NTRK2: variants seen among roughly 807,000 people sequenced by gnomAD.
NTRK2 encodes neurotrophic receptor tyrosine kinase 2, also known as BDNF/NT-3 growth factors receptor.
Under a neutral mutation model 94.5 loss-of-function variants are expected in NTRK2, and 13 were observed. That is an observed-to-expected ratio of 0.14 (90% CI 0.09 to 0.22). The LOEUF (loss-of-function observed/expected upper bound fraction) is 0.22. Among genes scored for constraint, NTRK2 ranks in the 10% least tolerant of loss-of-function variants. The pLI, the probability that NTRK2 is intolerant of heterozygous loss-of-function variation, is 1.00. For synonymous variants in NTRK2, 372 were observed against 407.4 expected (o/e 0.91, Z 1.05); for missense variants, 639 against 1,071.2 (o/e 0.60, Z 5.63).
intron 14 of NTRK2, chr9:84,874,401 T>C: frequency 9.4e-7 from 1 of 1,065,522 alleles, no homozygotes; most frequent in Non-Finnish European, 1.1e-6. Flanking sequence ...TTCTCTGTCT[T>C]TACTAATTCT....
chr9:84,781,875 T>C (rs2067604495), intron 12 of NTRK2, among the ~76,000 whole-genome samples: 1 of 152,180 alleles, frequency 6.6e-6, no homozygotes, highest in African/African-American at 2.4e-5. Context: ...CGTCTTTCTT[T>C]TCAGCTTGGG....
chr9:84,907,140 A>C (rs982306349), intron 14 of NTRK2, among the ~76,000 whole-genome samples: 2 of 152,212 alleles, frequency 1.3e-5, no homozygotes, highest in African/African-American at 2.4e-5. Flanking sequence ...ATGTATTTAG[A>C]ATCACTGACC....
At chr9:84,726,090 T>C (rs2132056602) in intron 8 of NTRK2, among the ~76,000 whole-genome samples, 1 of 152,344 alleles carries the variant, frequency 6.6e-6, no homozygotes, top group South Asian at 2.1e-4. Flanking sequence ...ACTTGAGTTT[T>C]TTTCTCAGTT....
At position 84,677,554 on chromosome 9, in the gene NTRK2, G is replaced by T. The variant is rs78458736; in HGVS notation, c.212+6594G>T. ...GGTTTACAGCCTCACTCTGAAGAAGGTGGGGAGGTTTTGGCAGCCTCTGAG... is the reference window on the plus strand; with the variant it reads ...GGTTTACAGCCTCACTCTGAAGAAGTTGGGGAGGTTTTGGCAGCCTCTGAG... On this transcript the variant is annotated intron_variant, in intron 2 of 18. Transcript: ENST00000277120. Among the ~76,000 whole-genome samples, 912 of 152,264 alleles carry T rather than the reference G, an allele frequency of 6.0e-3. 21 individuals carry two copies. The East Asian group carries it at 0.073, about 12-fold the overall frequency.
chr9:84,791,559 A>G (rs918717895), intron 12 of NTRK2, among the ~76,000 whole-genome samples: 1 of 152,186 alleles, frequency 6.6e-6, no homozygotes, highest in Non-Finnish European at 1.5e-5. Flanking sequence ...CACCCTGAAA[A>G]GTTCCAGAGA....
intron 12 of NTRK2, among the ~76,000 whole-genome samples, chr9:84,823,939 G>T (rs2073019456): frequency 6.6e-6 from 1 of 152,144 alleles, no homozygotes; most frequent in African/African-American, 2.4e-5. Context: ...CTGAGATGAG[G>T]ATTCATGTGC....
chr9:84,740,647 C>T (rs1303796096), intron 9 of NTRK2, among the ~76,000 whole-genome samples: 3 of 152,186 alleles, frequency 2.0e-5, no homozygotes, highest in South Asian at 2.1e-4. Flanking sequence ...ACATTAAAGG[C>T]GCCCCCTAGA....
rs148373641 is a variant in NTRK2 at position 84,872,176 on chromosome 9, C to T, written c.1633+4745C>T. On this transcript the variant is annotated intron_variant, in intron 14 of 18. Transcript: ENST00000277120. ...CTGAACACCACATCACCTGACAGCACGGGGTGGTTTCCCAGTAAAATTTAC... is the reference window on the plus strand; with the variant it reads ...CTGAACACCACATCACCTGACAGCATGGGGTGGTTTCCCAGTAAAATTTAC... 1.8e-5 allele frequency: 21 copies of T among 1,164,880 alleles called. No homozygotes were observed. The African/African-American group carries it at 2.0e-4, about 11-fold the overall frequency. 72.2% of individuals were successfully genotyped at this position (1,164,880 alleles called of 1,614,324 possible). A position where few individuals can be genotyped will look rare whatever the true frequency, so the allele number is the denominator to read the frequency against.
chr9:84,813,319 G>T, intron 12 of NTRK2: 1 of 1,014,930 alleles, frequency 9.9e-7, no homozygotes. Context: ...TTCTTTAGGA[G>T]AAACATGAAA....
intron 12 of NTRK2, among the ~76,000 whole-genome samples, chr9:84,789,341 T>C (rs1359605489): frequency 2.0e-5 from 3 of 152,134 alleles, no homozygotes. Flanking sequence ...TGTACTGAAT[T>C]AATTGTATCT....
intron 13 of NTRK2, 22 bp from the exon 14 acceptor site, chr9:84,867,221 A>T (rs2132055693): frequency 1.2e-6 from 2 of 1,610,426 alleles, no homozygotes; most frequent in South Asian, 2.2e-5. Context: ...ACAGGAGAAT[A>T]TATATATTTT....
intron 12 of NTRK2, among the ~76,000 whole-genome samples, chr9:84,798,912 C>CTATATATATA (rs57167822): frequency 0.034 from 4,342 of 127,324 alleles, 154 homozygotes; most frequent in Non-Finnish European, 0.042. Context: ...CTTCTAAGTG[C>CTATATATATA]TATATATATA....
chr9:84,912,234 A>C (rs1005597677), intron 14 of NTRK2, among the ~76,000 whole-genome samples: 1 of 152,154 alleles, frequency 6.6e-6, no homozygotes, highest in Admixed American at 6.5e-5. Context: ...TGTTGAGTAG[A>C]GTATCCTAGA....
chr9:84,926,135 T>A (rs1339976062), intron 14 of NTRK2, among the ~76,000 whole-genome samples: 5 of 62,208 alleles, frequency 8.0e-5, no homozygotes, highest in African/African-American at 1.9e-4. Flanking sequence ...CCTTCCTTCC[T>A]TCCTTCCTTC....
chr9:84,736,097 C>G (rs547854001), intron 9 of NTRK2, among the ~76,000 whole-genome samples: 1 of 152,180 alleles, frequency 6.6e-6, no homozygotes, highest in Non-Finnish European at 1.5e-5. Flanking sequence ...TGATTTAACC[C>G]TTTGGCTTGG....
intron 14 of NTRK2, chr9:84,875,978 G>C: frequency 9.6e-7 from 1 of 1,038,124 alleles, no homozygotes; most frequent in Non-Finnish European, 1.2e-6. Flanking sequence ...CAAAGGCAGG[G>C]GGGAATCCCA....
rs1187325 is a variant in NTRK2, at chr9:84,670,680, C to A, written c.-69C>A. On this transcript the variant is annotated 5_prime_UTR_variant, in exon 2 of 19. Transcript: ENST00000277120. ...GCCGCAAGCGCAGGGAAGGCCTCCC[C>A]GCACGGGTGGGGGAAAGCGGCCGGT... 1.0e-5 allele frequency: 16 copies of A among 1,534,768 alleles called. No homozygotes were observed. The highest frequency in any genetic ancestry group is 6.7e-5 in the Admixed American group (4 of 59,856).
chr9:84,883,157 A>G (rs964350952), intron 14 of NTRK2, among the ~76,000 whole-genome samples: 5 of 152,190 alleles, frequency 3.3e-5, no homozygotes, highest in Non-Finnish European at 7.3e-5. Context: ...AATAATCTGC[A>G]TTGTTAAAAA....
At chr9:84,898,217 G>A (rs1310697956) in intron 14 of NTRK2, among the ~76,000 whole-genome samples, 1 of 152,202 alleles carries the variant, frequency 6.6e-6, no homozygotes, top group African/African-American at 2.4e-5. Context: ...GCTTGCAGAA[G>A]TCTCTGCTTC....
Sources: allele counts gnomAD v4.1 joint callset (sites outside exome capture counted in the v4.1 genomes callset), GRCh38; gene constraint gnomAD v4.1.1; transcripts MANE v1.5; gene names NCBI Gene and HGNC (gene_info 2026-07-23, HGNC 2026-07-21).